TBC1D5: variants seen among roughly 807,000 people sequenced by gnomAD.
The protein encoded by TBC1D5 is TBC1 domain family, member 5.
TBC1D5 carries 75 observed loss-of-function variants against 100.3 expected under a neutral mutation model. The observed-to-expected ratio is 0.75, with a 90% CI of 0.62 to 0.91. TBC1D5 has a LOEUF of 0.91. Ranked by LOEUF, TBC1D5 falls within the 40% of genes least tolerant of loss-of-function variation. TBC1D5 has a pLI of 0.00. For missense variants in TBC1D5, 910 were observed against 942.4 expected, an observed-to-expected ratio of 0.97 and a Z score of 0.45; for synonymous variants, 323 against 325.6, an observed-to-expected ratio of 0.99 and a Z score of 0.09.
chr3:17,465,030 G>A (rs1405911340), intron 3 of TBC1D5: 2 of 151,974 alleles, frequency 1.3e-5, no homozygotes, highest in African/African-American at 4.8e-5. Flanking sequence ...CAGGTAGCTT[G>A]CTCTGCAGAG....
chr3:17,167,658 C>G, intron 20 of TBC1D5, 91 bp downstream of exon 21: 1 of 1,144,054 alleles, frequency 8.7e-7, no homozygotes, highest in Non-Finnish European at 1.3e-6. Context: ...TAGGGGGATG[C>G]TGGCTCTAAC....
Position 17,612,026 on chromosome 3 carries a change from G to C in TBC1D5, c.-36+11823C>G, listed in dbSNP as rs927903599. The stretch of plus-strand genomic sequence containing the variant: ...GAAATAAGAATTGAAAAGAAGGCAG[G>C]GCACAGTGGCTCACCCCTAATCCTA... On this transcript the variant is annotated intron_variant, in intron 2 of 21. Transcript: ENST00000253692. Among the ~76,000 whole-genome samples the C allele has an allele frequency of 2.6e-4, 40 of 151,966 alleles. 1 individual carries two copies. The highest frequency in any genetic ancestry group is 5.1e-4 in the Non-Finnish European group (35 of 67,970).
chr3:17,251,162 T>C (rs1056188694), intron 16 of TBC1D5, among the ~76,000 whole-genome samples: 2 of 152,216 alleles, frequency 1.3e-5, no homozygotes, highest in South Asian at 2.1e-4. Context: ...TAACCCATAT[T>C]ATTCCCTGGC....
chr3:17,260,949 T>C (rs1007124944), intron 15 of TBC1D5, among the ~76,000 whole-genome samples: 25 of 152,236 alleles, frequency 1.6e-4, no homozygotes. Flanking sequence ...TATTTTATAC[T>C]TATGGCACAT....
intron 14 of TBC1D5, among the ~76,000 whole-genome samples, chr3:17,304,500 T>C (rs965037327): frequency 2.0e-5 from 3 of 152,218 alleles, no homozygotes; most frequent in African/African-American, 7.2e-5. Flanking sequence ...CTTGACCTCC[T>C]GGACTAAAAT....
chr3:17,655,223 G>A (rs1287170435), intron 1 of TBC1D5, among the ~76,000 whole-genome samples: 7 of 147,352 alleles, frequency 4.8e-5, no homozygotes, highest in East Asian at 2.1e-4. Context: ...ACCAAACACC[G>A]CATATTCTCA....
intron 2 of TBC1D5, among the ~76,000 whole-genome samples, chr3:17,591,949 A>G (rs1027464551): frequency 6.6e-6 from 1 of 152,250 alleles, no homozygotes. Context: ...AGACAAATAG[A>G]TCTTGGAGAA....
intron 13 of TBC1D5, among the ~76,000 whole-genome samples, chr3:17,365,598 T>C (rs2092063066): frequency 6.6e-6 from 1 of 152,244 alleles, no homozygotes; most frequent in African/African-American, 2.4e-5. Context: ...GTGAAAGATC[T>C]GGAGCTCATT....
chr3:17,367,212 T>A (rs540468110), intron 13 of TBC1D5, among the ~76,000 whole-genome samples: 1 of 152,182 alleles, frequency 6.6e-6, no homozygotes, highest in Non-Finnish European at 1.5e-5. Context: ...CAAATTTTAG[T>A]CTCTTTATAA....
At chr3:17,515,750 T>C (rs537441914) in intron 2 of TBC1D5, among the ~76,000 whole-genome samples, 1 of 152,292 alleles carries the variant, frequency 6.6e-6, no homozygotes, top group South Asian at 2.1e-4. Flanking sequence ...AGATCCTTAA[T>C]AGTTATAAGG....
At chr3:17,428,027 T>C (rs952279990) in intron 4 of TBC1D5, among the ~76,000 whole-genome samples, 2 of 151,878 alleles carry the variant, frequency 1.3e-5, no homozygotes, top group Non-Finnish European at 3.0e-5. Context: ...AATTCAACCA[T>C]GAACTACATT....
At chr3:17,244,571 T>C (rs1335967734) in intron 16 of TBC1D5, among the ~76,000 whole-genome samples, 1 of 152,146 alleles carries the variant, frequency 6.6e-6, no homozygotes, top group African/African-American at 2.4e-5. Flanking sequence ...TTTTCTCAAA[T>C]TGTTCTATCT....
Position 17,735,258 on chromosome 3 carries a change from G to A in TBC1D5, c.-101+4085C>T, listed in dbSNP as rs542943684. Among the ~76,000 whole-genome samples, 10 of 152,244 alleles carry A rather than the reference G, an allele frequency of 6.6e-5. No homozygotes were observed. The South Asian group carries it at 2.1e-3, about 32-fold the overall frequency. ...ATCATGAAGAATGAAAGAAATCTAG[G>A]TGTCTAAGAATGGAGGACTACTTAT... On this transcript the variant is annotated intron_variant, in intron 1 of 21. Coordinates refer to ENST00000253692, the Ensembl canonical transcript of TBC1D5.
chr3:17,318,748 C>A (rs1190727669), intron 13 of TBC1D5, among the ~76,000 whole-genome samples: 1 of 152,164 alleles, frequency 6.6e-6, no homozygotes, highest in Admixed American at 6.5e-5. Flanking sequence ...TTAAAATCGC[C>A]TCTCCACATT....
rs1156599746 is a variant in TBC1D5 at position 17,704,643 on chromosome 3, C to CG, written c.-101+34699dup. ...CTCCCGGACGGGGCTGCTGGCCAGG[C>CG]GGGGGGCCGACCCCCCCACCTCCCT... On this transcript the variant is annotated intron_variant, in intron 1 of 21. Transcript: ENST00000253692. Among the ~76,000 whole-genome samples the CG allele has an allele frequency of 1.5e-4, 11 of 73,456 alleles. 2 individuals are homozygous for CG. The highest frequency in any genetic ancestry group is 4.4e-4 in the Admixed American group (3 of 6,850). 48.2% of individuals were successfully genotyped at this position (73,456 alleles called of 152,430 possible).
At chr3:17,518,405 C>T (rs1334897526) in intron 2 of TBC1D5, among the ~76,000 whole-genome samples, 1 of 152,144 alleles carries the variant, frequency 6.6e-6, no homozygotes, top group African/African-American at 2.4e-5. Context: ...AGAGAAGTGG[C>T]TTGACTTGAA....
At chr3:17,643,931 G>A (rs1407799759) in intron 1 of TBC1D5, 1 of 152,020 alleles carries the variant, frequency 6.6e-6, no homozygotes, top group Non-Finnish European at 1.5e-5. Flanking sequence ...GAGGCTAAGG[G>A]GTAAGCATTC....
intron 1 of TBC1D5, among the ~76,000 whole-genome samples, chr3:17,661,907 T>C (rs1490863883): frequency 1.3e-5 from 2 of 152,178 alleles, no homozygotes; most frequent in East Asian, 3.9e-4. Context: ...CCCTTTTTTT[T>C]TAAGACAGGG....
intron 2 of TBC1D5, among the ~76,000 whole-genome samples, chr3:17,590,781 A>G (rs1429178368): frequency 6.6e-6 from 1 of 152,180 alleles, no homozygotes; most frequent in Non-Finnish European, 1.5e-5. Flanking sequence ...GCAGTGGCAA[A>G]GCAGCAATCA....
Sources: allele counts gnomAD v4.1 joint callset (sites outside exome capture counted in the v4.1 genomes callset), GRCh38; gene constraint gnomAD v4.1.1; transcripts MANE v1.5; gene names NCBI Gene and HGNC (gene_info 2026-07-23, HGNC 2026-07-21).